Variants in A2M observed in about 807,000 individuals in gnomAD.
The protein encoded by A2M is C3 and PZP-like alpha-2-macroglobulin domain-containing protein 5.
A2M carries 128 observed loss-of-function variants against 183.9 expected under a neutral mutation model. The ratio of observed to expected loss-of-function variants is 0.70; its 90% CI spans 0.60 to 0.81. A2M has a LOEUF of 0.81. A2M is among the 30% of genes least tolerant of loss of function. The pLI is 0.00. For missense variants in A2M, 1,495 were observed against 1,787.6 expected (o/e 0.84, Z 2.95); for synonymous variants, 592 against 670.8 (o/e 0.88, Z 1.81).
At chr12:9,102,538 C>T (rs1555160143) in intron 11 of A2M, among the ~76,000 whole-genome samples, 3 of 152,070 alleles carry the variant, frequency 2.0e-5, no homozygotes, top group Non-Finnish European at 2.9e-5. Context: ...TTTTAATGCT[C>T]CCTGCAATCT....
chr12:9,080,458 G>T (rs1241886906), intron 22 of A2M: 1 of 222,966 alleles, frequency 4.5e-6, no homozygotes, highest in Non-Finnish European at 8.7e-6. Flanking sequence ...TTGTGATTCA[G>T]TTGCTGTCAT....
chr12:9,068,697 A>C, intron 34 of A2M, 43 bp downstream of exon 34: 1 of 1,431,954 alleles, frequency 7.0e-7, no homozygotes, highest in Non-Finnish European at 9.7e-7. Context: ...AATTTCTGTG[A>C]TCAGGAATTA....
At position 9,093,489 on chromosome 12, in the gene A2M, C is replaced by T; in HGVS notation, c.2216G>A (p.Trp739Ter). 1.9e-6 allele frequency: 3 copies of T among 1,613,838 alleles called. No homozygotes were observed. Among genetic ancestry groups the T allele is most frequent in the Non-Finnish European group, 2.5e-6 (3 of 1,179,808 alleles). ...ETVRKYFPET[W>*]IWDLVVVNSA... is the part of the protein sequence containing the mutation. ...CTTTACCACCACCAAATCCCAGATC[C>T]ATGTCTCAGGGAAGTACTTTCGTAC... The change falls in exon 18 of 36, where the codon TGG (tryptophan) becomes TAG (stop). Residue 739 changes from tryptophan (W) to a stop codon, truncating the protein, a stop_gained. Transcript: ENST00000318602. LOFTEE classifies it high-confidence loss of function.
At position 9,092,873 on chromosome 12, in the gene A2M, G is replaced by A. The variant is rs114641862; in HGVS notation, c.2240+592C>T. Reference sequence around the variant, plus strand: ...ATATAAAAACAACCTAAGTGTCTGGGTGAATGGATAAATAAATTGTGGCTA... The same window carrying A: ...ATATAAAAACAACCTAAGTGTCTGGATGAATGGATAAATAAATTGTGGCTA... On this transcript the variant is annotated intron_variant, in intron 18 of 35. Transcript: ENST00000318602. Among the ~76,000 whole-genome samples, 589 of 152,278 alleles carry A rather than the reference G, an allele frequency of 3.9e-3. 7 individuals carry two copies. Among genetic ancestry groups the A allele is most frequent in the African/African-American group, 0.014 (572 of 41,542 alleles).
At chr12:9,107,056 A>G (rs1938348304) in intron 8 of A2M, among the ~76,000 whole-genome samples, 1 of 152,172 alleles carries the variant, frequency 6.6e-6, no homozygotes, top group African/African-American at 2.4e-5. Context: ...TACACAGTAC[A>G]TCTGCTCTTG....
intron 2 of A2M, among the ~76,000 whole-genome samples, chr12:9,112,996 T>C (rs1449758700): frequency 3.3e-5 from 5 of 152,170 alleles, no homozygotes; most frequent in Non-Finnish European, 7.3e-5. Context: ...TTAGAAGTAG[T>C]GTGGAGTGAT....
intron 13 of A2M, among the ~76,000 whole-genome samples, chr12:9,099,940 C>T (rs1046091144): frequency 6.6e-6 from 1 of 152,200 alleles, no homozygotes; most frequent in Non-Finnish European, 1.5e-5. Context: ...CACCATGCTC[C>T]TTCAGAAGTT....
intron 22 of A2M, among the ~76,000 whole-genome samples, chr12:9,087,853 G>T (rs1002164704): frequency 6.6e-6 from 1 of 151,732 alleles, no homozygotes. Context: ...TCTGACTCAG[G>T]AATTTAACAT....
At chr12:9,101,345 G>C in intron 12 of A2M, 102 bp downstream of exon 12, 1 of 1,338,688 alleles carries the variant, frequency 7.5e-7, no homozygotes, top group Non-Finnish European at 1.0e-6. Context: ...AAGGAACATG[G>C]ATAAGAAGTT....
rs372870995 is a variant in A2M at position 9,090,399 on chromosome 12, G to A, written c.2553C>T (p.Asn851=). The change falls in exon 20 of 36, where the codon AAC becomes AAT. Residue 851 remains asparagine, a synonymous_variant. Coordinates refer to ENST00000318602, the MANE Select transcript of A2M (RefSeq NM_000014.6). ...KEQAPHCICA[N]GRQTVSWAVT... ...CTGCCCAGGACACAGTTTGCCGCCC[G>A]TTTGCACAGATGCAGTGAGGCGCTT... is the stretch of plus-strand genomic sequence containing the variant. 20 of 1,613,898 alleles carry A rather than the reference G, an allele frequency of 1.2e-5. No individual in the cohort carries two copies. The highest frequency in any genetic ancestry group is 7.7e-5 in the South Asian group (7 of 91,082).
At chr12:9,096,844 A>C (rs1196768134) in intron 15 of A2M, among the ~76,000 whole-genome samples, 1 of 152,170 alleles carries the variant, frequency 6.6e-6, no homozygotes, top group Non-Finnish European at 1.5e-5. Flanking sequence ...CATGAGACAT[A>C]CATTTTTATC....
chr12:9,102,976 A>G (rs1227400897), intron 11 of A2M, among the ~76,000 whole-genome samples: 3 of 152,144 alleles, frequency 2.0e-5, no homozygotes. Flanking sequence ...TATATATTAA[A>G]TATGTATTGT....
chr12:9,100,470 G>A (rs982017345), intron 13 of A2M, among the ~76,000 whole-genome samples: 4 of 151,016 alleles, frequency 2.6e-5, no homozygotes, highest in Admixed American at 1.3e-4. Context: ...ATAGAGATGG[G>A]GTCTCACTAT....
intron 22 of A2M, among the ~76,000 whole-genome samples, chr12:9,083,743 G>A (rs1948976498): frequency 1.4e-5 from 2 of 140,410 alleles, no homozygotes; most frequent in Non-Finnish European, 3.1e-5. Flanking sequence ...AAAAAAAAGA[G>A]TATAGAATCA....
intron 11 of A2M, 57 bp downstream of exon 11, chr12:9,104,182 T>G: frequency 6.4e-7 from 1 of 1,555,334 alleles, no homozygotes. Context: ...CACCCTTAGG[T>G]TGCAACCTTG....
intron 7 of A2M, among the ~76,000 whole-genome samples, chr12:9,108,017 A>T (rs1367936256): frequency 6.6e-6 from 1 of 152,206 alleles, no homozygotes; most frequent in Non-Finnish European, 1.5e-5. Flanking sequence ...TCTACCTAGG[A>T]ATACAAACTA....
chr12:9,074,948 T>C (rs1337579135), intron 28 of A2M, among the ~76,000 whole-genome samples, 165 bp from the exon 29 acceptor site: 1 of 152,242 alleles, frequency 6.6e-6, no homozygotes, highest in African/African-American at 2.4e-5. Context: ...TGGTGTGTTT[T>C]AGCCCAGCTA....
chr12:9,085,597 G>A (rs1851091514), intron 22 of A2M, among the ~76,000 whole-genome samples: 1 of 151,884 alleles, frequency 6.6e-6, no homozygotes, highest in South Asian at 2.1e-4. Context: ...CCTCAGAGAA[G>A]TAGGAAAAGA....
In A2M at chr12:9,079,748, C is replaced by T. The variant is rs1948853121; in HGVS notation, c.2922G>A (p.Glu974=). 7 of 1,613,526 alleles carry T rather than the reference C, an allele frequency of 4.3e-6. No homozygotes were observed. In the South Asian group the frequency reaches 7.7e-5, roughly 18 times the overall value. Reference sequence around the variant, plus strand: ...TAGGAGCAAAGAGGACCATATTCTGCTCTCCACAGCCATAGGGCATCTGGA... The same window carrying T: ...TAGGAGCAAAGAGGACCATATTCTGTTCTCCACAGCCATAGGGCATCTGGA... The part of the protein sequence containing the change: ...NLLQMPYGCG[E]QNMVLFAPNI... The change falls in exon 24 of 36, where the codon GAG becomes GAA. Residue 974 remains glutamate (E), a synonymous_variant. Coordinates refer to ENST00000318602, the MANE Select transcript of A2M (RefSeq NM_000014.6).
Sources: gnomAD v4.1 joint callset for allele counts (sites outside exome capture counted in the v4.1 genomes callset) on GRCh38, gnomAD v4.1.1 for gene constraint, MANE v1.5 for transcripts, NCBI Gene and HGNC (gene_info 2026-07-23, HGNC 2026-07-21) for gene names.